Variants in CPA6 observed in about 807,000 individuals in gnomAD.
The protein encoded by CPA6 is carboxypeptidase A6, also known as carboxypeptidase B.
CPA6 carries 58 observed loss-of-function variants against 63.3 expected under a neutral mutation model. The ratio of observed to expected loss-of-function variants is 0.92; its 90% CI spans 0.74 to 1.14. CPA6 has a LOEUF of 1.14. CPA6 is among the 50% of genes most tolerant of loss of function. The pLI, the probability that CPA6 is intolerant of heterozygous loss-of-function variation, is 0.00. For synonymous variants in CPA6, 185 were observed against 179.0 expected (o/e 1.03, Z -0.27); for missense variants, 565 against 526.6 (o/e 1.07, Z -0.71).
chr8:67,422,417 GC>G lies in CPA6; in HGVS notation c.*86del. On this transcript the variant is annotated 3_prime_UTR_variant, in exon 11 of 11. Coordinates refer to ENST00000297770, the MANE Select transcript of CPA6 (RefSeq NM_020361.5). ...ATAGACATGTTCACTCTAAGCAGCT[GC>G]CCTTCTCTTTGAAAACAATTTCTAT... 8.7e-7 allele frequency: 1 copy of G among 1,153,244 alleles called. No homozygotes were observed. The highest frequency in any genetic ancestry group is 1.3e-6 in the Non-Finnish European group (1 of 797,030). 71.4% of individuals were successfully genotyped at this position (1,153,244 alleles called of 1,614,324 possible).
intron 2 of CPA6, among the ~76,000 whole-genome samples, chr8:67,525,184 A>G (rs562892045): frequency 6.6e-6 from 1 of 152,188 alleles, no homozygotes; most frequent in African/African-American, 2.4e-5. Context: ...CTAATTTTAC[A>G]TAGGCCCATC....
At chr8:67,672,791 A>ATG (rs1428336592) in intron 1 of CPA6, among the ~76,000 whole-genome samples, 1 of 152,200 alleles carries the variant, frequency 6.6e-6, no homozygotes, top group East Asian at 1.9e-4. Flanking sequence ...TTTTGCTTTT[A>ATG]AAATGGATGA....
intron 2 of CPA6, among the ~76,000 whole-genome samples, chr8:67,522,737 C>T (rs1318884045): frequency 6.6e-6 from 1 of 152,230 alleles, no homozygotes; most frequent in African/African-American, 2.4e-5. Flanking sequence ...GGTGCCATTG[C>T]ATTCCTCTCA....
rs562700519 is a variant in CPA6 at position 67,540,178 on chromosome 8, G to GT, written c.193-22132dup. Among the ~76,000 whole-genome samples the GT allele has an allele frequency of 2.6e-3, 376 of 147,038 alleles. 1 individual carries two copies. The highest frequency in any genetic ancestry group is 8.1e-3 in the South Asian group (37 of 4,552). ...CTTTGATGTTGGTGACCTTTGGATG[G>GT]TTTTTTTTTTCGTGGGTGTCCTTTT... On this transcript the variant is annotated intron_variant, in intron 2 of 10. Transcript: ENST00000297770.
At chr8:67,600,095 T>C (rs80344534) in intron 2 of CPA6, among the ~76,000 whole-genome samples, 5,293 of 152,024 alleles carry the variant, frequency 0.035, 177 homozygotes, top group African/African-American at 0.093. Flanking sequence ...AAGGTGTATG[T>C]TTCCTTTTTT....
At chr8:67,443,248 C>T (rs562056252) in intron 8 of CPA6, among the ~76,000 whole-genome samples, 3 of 152,018 alleles carry the variant, frequency 2.0e-5, no homozygotes, top group East Asian at 1.9e-4. Flanking sequence ...TTAGTAGAGA[C>T]GGGGTTTCAC....
At chr8:67,627,367 GAAA>G (rs1272267759) in intron 1 of CPA6, among the ~76,000 whole-genome samples, 51 of 152,330 alleles carry the variant, frequency 3.3e-4, no homozygotes, top group African/African-American at 1.1e-3. Context: ...CTGGAACTTA[GAAA>G]AACTAACCAT....
intron 1 of CPA6, among the ~76,000 whole-genome samples, chr8:67,687,515 C>G (rs1816731138): frequency 6.6e-6 from 1 of 151,950 alleles, no homozygotes; most frequent in Admixed American, 6.6e-5. Flanking sequence ...GTCCTGGGAC[C>G]TTTTGCAAAT....
chr8:67,733,220 A>AAAAAAAAAAAAAC (rs1817747071), intron 1 of CPA6, among the ~76,000 whole-genome samples: 1 of 99,340 alleles, frequency 1.0e-5, no homozygotes, highest in African/African-American at 4.7e-5. Context: ...AAAAAAAAAA[A>AAAAAAAAAAAAAC]AAAATAAAAA....
At chr8:67,493,583 C>A (rs181230700) in intron 6 of CPA6, among the ~76,000 whole-genome samples, 1 of 152,196 alleles carries the variant, frequency 6.6e-6, no homozygotes, top group Non-Finnish European at 1.5e-5. Flanking sequence ...CATAGTACAT[C>A]TGAATCACAT....
intron 1 of CPA6, among the ~76,000 whole-genome samples, chr8:67,704,435 G>C (rs1033918784): frequency 2.6e-5 from 4 of 152,236 alleles, no homozygotes; most frequent in Non-Finnish European, 5.9e-5. Context: ...GTGCTAAAAT[G>C]CTCTGAATGA....
chr8:67,456,632 TG>T (rs1810682931), intron 8 of CPA6, among the ~76,000 whole-genome samples: 1 of 152,220 alleles, frequency 6.6e-6, no homozygotes, highest in South Asian at 2.1e-4. Flanking sequence ...AGGGGCTAGA[TG>T]AAGGGTCTTT....
chr8:67,651,557 G>T (rs1334329020), intron 1 of CPA6, among the ~76,000 whole-genome samples: 3 of 151,954 alleles, frequency 2.0e-5, no homozygotes, highest in African/African-American at 4.8e-5. Context: ...GATTCCCAAA[G>T]TATTAGCCTC....
At chr8:67,547,171 C>T (rs936646920) in intron 2 of CPA6, among the ~76,000 whole-genome samples, 19 of 151,960 alleles carry the variant, frequency 1.3e-4, no homozygotes, top group Non-Finnish European at 1.9e-4. Flanking sequence ...CTCAGCCTCC[C>T]GAGTAGCTGA....
At chr8:67,643,923 C>G (rs1192058631) in intron 1 of CPA6, among the ~76,000 whole-genome samples, 2 of 152,096 alleles carry the variant, frequency 1.3e-5, no homozygotes, top group African/African-American at 4.8e-5. Context: ...AAAATAGACA[C>G]TGGCTTGTTA....
chr8:67,457,931 A>G (rs1433391484), intron 8 of CPA6, among the ~76,000 whole-genome samples: 1 of 152,138 alleles, frequency 6.6e-6, no homozygotes, highest in Non-Finnish European at 1.5e-5. Flanking sequence ...TCCTCTCTTG[A>G]AACCTATTGA....
intron 1 of CPA6, among the ~76,000 whole-genome samples, chr8:67,734,193 C>T (rs1817770631): frequency 6.6e-6 from 1 of 151,680 alleles, no homozygotes; most frequent in Non-Finnish European, 1.5e-5. Flanking sequence ...AAGAAAGATA[C>T]ATTTATTTGC....
At chr8:67,704,982 G>A (rs766326255) in intron 1 of CPA6, among the ~76,000 whole-genome samples, 4 of 152,106 alleles carry the variant, frequency 2.6e-5, no homozygotes, top group Admixed American at 1.3e-4. Context: ...ATAGGTGAGA[G>A]TAGAATAAGG....
intron 8 of CPA6, among the ~76,000 whole-genome samples, chr8:67,467,661 T>C (rs1810957138): frequency 6.6e-6 from 1 of 152,118 alleles, no homozygotes; most frequent in Non-Finnish European, 1.5e-5. Context: ...AGTCCTTTGG[T>C]TGACACTGTT....
Sources: gnomAD v4.1 joint callset for allele counts (sites outside exome capture counted in the v4.1 genomes callset) on GRCh38, gnomAD v4.1.1 for gene constraint, MANE v1.5 for transcripts, NCBI Gene and HGNC (gene_info 2026-07-23, HGNC 2026-07-21) for gene names.